The following DLGAP2 variants were observed in gnomAD, a reference collection of about 807,000 sequenced individuals.
DLGAP2 encodes DLG associated protein 2.
In DLGAP2, 26 loss-of-function variants were observed where a neutral mutation model predicts 100.3. That is an observed-to-expected ratio of 0.26 (90% CI 0.19 to 0.36). The LOEUF (loss-of-function observed/expected upper bound fraction) is 0.36, where lower values mean the gene tolerates loss of function less well. DLGAP2 is among the 10% of genes least tolerant of loss of function. The pLI is 1.00. For missense variants in DLGAP2, 1,858 were observed against 1,453.2 expected (o/e 1.28, Z -4.53); for synonymous variants, 886 against 630.1 (o/e 1.41, Z -6.08).
At position 1,063,187 on chromosome 8, in the gene DLGAP2, G is replaced by C. The variant is rs192886600; in HGVS notation, c.73+155221G>C. 8.2e-4 allele frequency among the ~76,000 whole-genome samples: 125 copies of C among 152,336 alleles called. 1 individual carries two copies. The highest frequency in any genetic ancestry group is 2.9e-3 in the African/African-American group (121 of 41,572). ...TTTGACTGATACGCCGCAAAGTGCTGCCATATATTTGTCATTAAGACCAAC... is the reference window on the plus strand; with the variant it reads ...TTTGACTGATACGCCGCAAAGTGCTCCCATATATTTGTCATTAAGACCAAC... On this transcript the variant is annotated intron_variant, in intron 2 of 14. Coordinates refer to ENST00000637795, the MANE Select transcript of DLGAP2 (RefSeq NM_001346810.2).
At chr8:822,838 G>T (rs1244884005) in intron 1 of DLGAP2, among the ~76,000 whole-genome samples, 1 of 152,044 alleles carries the variant, frequency 6.6e-6, no homozygotes, top group East Asian at 1.9e-4. Flanking sequence ...GGTGCTTCAG[G>T]GACTGTCCAG....
chr8:1,692,839 T>C (rs566977118), intron 13 of DLGAP2, among the ~76,000 whole-genome samples: 1 of 150,870 alleles, frequency 6.6e-6, no homozygotes, highest in African/African-American at 2.4e-5. Flanking sequence ...AAACCACATA[T>C]ATATTTACAT....
At chr8:1,413,452 G>A (rs184966100) in intron 3 of DLGAP2, among the ~76,000 whole-genome samples, 1 of 152,242 alleles carries the variant, frequency 6.6e-6, no homozygotes, top group Admixed American at 6.5e-5. Flanking sequence ...TTAAGGGCAA[G>A]CAAAAGTCAC....
chr8:1,690,110 C>A (rs1480768161), intron 12 of DLGAP2, among the ~76,000 whole-genome samples: 1 of 151,144 alleles, frequency 6.6e-6, no homozygotes, highest in Admixed American at 6.6e-5. Context: ...TAATCCTTGG[C>A]CTTGGGAGGC....
Position 1,697,232 on chromosome 8 carries a change from T to G in DLGAP2, c.2882T>G (p.Met961Arg). ...CAGCTCTCCATTGAGGACGTCAGCA[T>G]GAAGTTCGACGAGCTGCAGCGGCTG... ...MLQLSIEDVSMKFDELQRLRL... is the reference protein window; with the variant it reads ...MLQLSIEDVSRKFDELQRLRL... The change falls in exon 14 of 15, where the codon ATG becomes AGG. Residue 961 changes from methionine (M) to arginine (R), a missense_variant. Coordinates refer to ENST00000637795, the MANE Select transcript of DLGAP2 (RefSeq NM_001346810.2). The G allele has an allele frequency of 6.2e-7, 1 of 1,611,696 alleles. No homozygotes were observed. Among genetic ancestry groups the G allele is most frequent in the Non-Finnish European group, 8.5e-7 (1 of 1,178,700 alleles).
intron 2 of DLGAP2, among the ~76,000 whole-genome samples, chr8:1,196,034 A>G (rs1282337470): frequency 2.0e-5 from 3 of 152,212 alleles, no homozygotes; most frequent in African/African-American, 4.8e-5. Flanking sequence ...TCAAATAGCC[A>G]TGACGTAGAG....
At chr8:1,408,297 G>C (rs997946959) in intron 3 of DLGAP2, among the ~76,000 whole-genome samples, 9 of 152,206 alleles carry the variant, frequency 5.9e-5, no homozygotes, top group African/African-American at 1.4e-4. Flanking sequence ...ATCTGGGTCT[G>C]TTTCCTCACT....
intron 1 of DLGAP2, among the ~76,000 whole-genome samples, chr8:819,186 G>A (rs910790382): frequency 3.3e-5 from 5 of 152,154 alleles, no homozygotes; most frequent in East Asian, 1.9e-4. Flanking sequence ...AAGTATGAGC[G>A]TAAGCTTTGC....
At chr8:1,627,368 G>T (rs1167742720) in intron 7 of DLGAP2, among the ~76,000 whole-genome samples, 1 of 152,198 alleles carries the variant, frequency 6.6e-6, no homozygotes, top group African/African-American at 2.4e-5. Flanking sequence ...GACAGGCACA[G>T]TGGCCAGGAG....
chr8:1,463,328 T>C (rs1798513972), intron 3 of DLGAP2, among the ~76,000 whole-genome samples: 1 of 152,132 alleles, frequency 6.6e-6, no homozygotes, highest in Admixed American at 6.5e-5. Flanking sequence ...TGGTTATTGA[T>C]GAAATAGTGG....
intron 2 of DLGAP2, among the ~76,000 whole-genome samples, chr8:913,980 C>T (rs528271712): frequency 6.6e-6 from 1 of 152,194 alleles, no homozygotes; most frequent in Non-Finnish European, 1.5e-5. Flanking sequence ...GAAATCTCCA[C>T]GTGTGGATTG....
Position 763,162 on chromosome 8 carries a change from C to T in DLGAP2, c.18+25337C>T, listed in dbSNP as rs1360053872. On this transcript the variant is annotated intron_variant, in intron 1 of 14. Transcript: ENST00000637795. ...GGGACGAAGCTGAGCCCAGGCTGAC[C>T]GTGCCCTGGAAGGAGCACGGCGTTG... 4.6e-5 allele frequency among the ~76,000 whole-genome samples: 7 copies of T among 152,138 alleles called. No individual in the cohort carries two copies. In the South Asian group the frequency reaches 6.2e-4, roughly 14 times the overall value.
chr8:1,503,095 C>T (rs962974115), intron 4 of DLGAP2, among the ~76,000 whole-genome samples: 1 of 152,180 alleles, frequency 6.6e-6, no homozygotes, highest in Non-Finnish European at 1.5e-5. Context: ...GCGAAGGAGG[C>T]AGAATGTCAC....
At chr8:1,432,838 C>G (rs951359865) in intron 3 of DLGAP2, among the ~76,000 whole-genome samples, 1 of 152,216 alleles carries the variant, frequency 6.6e-6, no homozygotes, top group Non-Finnish European at 1.5e-5. Flanking sequence ...TCCAGACACA[C>G]TGGACCCCGG....
At chr8:1,117,599 G>C (rs1805158469) in intron 2 of DLGAP2, among the ~76,000 whole-genome samples, 1 of 152,222 alleles carries the variant, frequency 6.6e-6, no homozygotes, top group African/African-American at 2.4e-5. Flanking sequence ...TAGAAATCAG[G>C]ACTGAGGGTG....
intron 2 of DLGAP2, among the ~76,000 whole-genome samples, chr8:1,041,820 C>T (rs1802360675): frequency 1.3e-5 from 2 of 151,544 alleles, no homozygotes; most frequent in Admixed American, 6.6e-5. Flanking sequence ...GAGTGTTCTC[C>T]GAGCTCCTTG....
intron 4 of DLGAP2, among the ~76,000 whole-genome samples, chr8:1,536,628 G>C (rs1447780878): frequency 1.3e-5 from 2 of 152,102 alleles, no homozygotes; most frequent in African/African-American, 4.8e-5. Flanking sequence ...TGTCCCCGAG[G>C]GCTCTCTAGA....
chr8:1,544,759 G>T lies in DLGAP2; in HGVS notation c.173-3867G>T, dbSNP rs556982391. ...GATTTTTTTTTTTTTTGAGACAGAG[G>T]TCTCACTTTTGTCGCCAGGCTGGAG... On this transcript the variant is annotated intron_variant, in intron 4 of 14. Transcript: ENST00000637795. Among the ~76,000 whole-genome samples the T allele has an allele frequency of 1.1e-3, 167 of 150,736 alleles. 1 individual carries two copies. Among genetic ancestry groups the T allele is most frequent in the Non-Finnish European group, 2.0e-3 (134 of 67,776 alleles).
At chr8:889,728 C>G (rs1262849050) in intron 1 of DLGAP2, among the ~76,000 whole-genome samples, 1 of 152,220 alleles carries the variant, frequency 6.6e-6, no homozygotes, top group Non-Finnish European at 1.5e-5. Context: ...GTGCTGGCTG[C>G]TGCCCCTCCC....
Sources: gnomAD v4.1 joint callset for allele counts (sites outside exome capture counted in the v4.1 genomes callset) on GRCh38, gnomAD v4.1.1 for gene constraint, MANE v1.5 for transcripts, NCBI Gene and HGNC (gene_info 2026-07-23, HGNC 2026-07-21) for gene names.